Variants in MARCO observed in about 807,000 individuals in gnomAD.
MARCO encodes the protein macrophage receptor MARCO.
A neutral mutation model predicts 70.0 loss-of-function variants in MARCO; 72 were observed. That is an observed-to-expected ratio of 1.03 (90% CI 0.85 to 1.25). The LOEUF (loss-of-function observed/expected upper bound fraction) is 1.25. Among genes scored for constraint, MARCO ranks in the 50% most tolerant of loss-of-function variants. The probability of loss-of-function intolerance (pLI) is 0.00; values close to 1 mark genes in which losing one functional copy is unlikely to be tolerated. For missense variants in MARCO, 696 were observed against 659.3 expected (o/e 1.06, Z -0.61); for synonymous variants, 273 against 243.1 (o/e 1.12, Z -1.14).
chr2:118,981,356 G>A (rs972090488), intron 8 of MARCO, 53 bp from the exon 9 acceptor site: 5 of 1,154,320 alleles, frequency 4.3e-6, no homozygotes, highest in Non-Finnish European at 5.1e-6. Context: ...GGAGGACATG[G>A]TGGCCTGATT....
intron 2 of MARCO, among the ~76,000 whole-genome samples, chr2:118,969,789 C>T (rs749924703): frequency 6.6e-6 from 1 of 151,874 alleles, no homozygotes; most frequent in African/African-American, 2.4e-5. Context: ...TAGGTCAGAC[C>T]AGCATGTTAG....
chr2:118,980,496 G>A (rs12996224), intron 8 of MARCO, among the ~76,000 whole-genome samples: 4,353 of 152,314 alleles, frequency 0.029, 81 homozygotes, highest in Middle Eastern at 0.054. Flanking sequence ...CTGGAGAGAA[G>A]GCTGGTGTCA....
chr2:118,991,861 A>G lies in MARCO; in HGVS notation c.1193A>G (p.Asp398Gly). Residue 398 changes from aspartate to glycine, a missense_variant, in exon 14 of 17, where the codon GAC becomes GGC. Asp to Gly is a moderately conservative substitution (Grantham distance 94). Coordinates refer to ENST00000327097, the MANE Select transcript of MARCO (RefSeq NM_006770.4). ...CCTGGACAAGCTGGCCAGAAGGGAG[A>G]CCAGGGAGTGAAAGGTAAGGCCTCT... is the stretch of plus-strand genomic sequence containing the variant. The part of the protein sequence containing the change: ...GAPGQAGQKG[D>G]QGVKGSSGEQ... 1 of 1,597,290 alleles carries G rather than the reference A, an allele frequency of 6.3e-7. No homozygotes were observed. The highest frequency in any genetic ancestry group is 1.3e-5 in the African/African-American group (1 of 74,910).
At chr2:118,962,342 A>G (rs1679965024) in intron 1 of MARCO, among the ~76,000 whole-genome samples, 1 of 152,142 alleles carries the variant, frequency 6.6e-6, no homozygotes, top group Admixed American at 6.6e-5. Flanking sequence ...GATTCTTCCT[A>G]TTTATGAGTA....
intron 1 of MARCO, among the ~76,000 whole-genome samples, chr2:118,959,593 TA>T (rs1037920599): frequency 1.3e-5 from 2 of 152,192 alleles, no homozygotes. Flanking sequence ...CTTAAAGAAG[TA>T]AAAGTAGAAA....
chr2:118,973,272 T>C (rs2104582928), intron 4 of MARCO, among the ~76,000 whole-genome samples: 2 of 152,018 alleles, frequency 1.3e-5, no homozygotes, highest in South Asian at 4.2e-4. Flanking sequence ...ACTCCAACTA[T>C]CTCTCTCCAT....
chr2:118,986,663 AGGAAGGAAGG>A lies in MARCO; in HGVS notation c.1064-3925_1064-3916del, dbSNP rs1680503881. Among the ~76,000 whole-genome samples, 3 of 56,578 alleles carry A rather than the reference AGGAAGGAAGG, an allele frequency of 5.3e-5. 1 individual carries two copies. The highest frequency in any genetic ancestry group is 3.5e-4 in the African/African-American group (3 of 8,584). The allele number at this position is 56,578 out of a possible 152,430, so 37.1% of individuals were successfully genotyped here. ...AAAGAAAGAAAGAAAGAAGGAAGGA[AGGAAGGAAGG>A]AAAGAAAGAAAGAAAGAAAGAAAGA... On this transcript the variant is annotated intron_variant, in intron 12 of 16. Transcript: ENST00000327097.
intron 3 of MARCO, among the ~76,000 whole-genome samples, chr2:118,970,832 C>T (rs563568634): frequency 1.5e-4 from 23 of 152,320 alleles, no homozygotes; most frequent in Admixed American, 4.6e-4. Flanking sequence ...GGAAGAGCCT[C>T]GCCCTCAGAC....
At chr2:118,952,250 G>C (rs62157375) in intron 1 of MARCO, among the ~76,000 whole-genome samples, 11,780 of 152,064 alleles carry the variant, frequency 0.077, 530 homozygotes, top group South Asian at 0.16. Flanking sequence ...AAACCAGTGG[G>C]TGTCTTGCCT....
chr2:118,945,471 G>A (rs187961664), intron 1 of MARCO, among the ~76,000 whole-genome samples: 1 of 151,058 alleles, frequency 6.6e-6, no homozygotes, highest in East Asian at 2.0e-4. Flanking sequence ...GGAGTGCAGG[G>A]GAGCGATCTC....
Position 118,969,356 on chromosome 2 carries a change from C to A in MARCO, c.199+95C>A, listed in dbSNP as rs114951421. 3.2e-3 allele frequency: 2,809 copies of A among 867,164 alleles called. 41 individuals carry two copies. The African/African-American group carries it at 0.037, about 11-fold the overall frequency. The allele number at this position is 867,164 out of a possible 1,614,324, so 53.7% of individuals were successfully genotyped here. ...GAAGGGCTCAGGTTGAGTGGAGAGC[C>A]TCGGGCCACTGCTCCCATCTGCTGG... is the stretch of plus-strand genomic sequence containing the variant. On this transcript the variant is annotated intron_variant, in intron 2 of 16. Transcript: ENST00000327097.
intron 1 of MARCO, among the ~76,000 whole-genome samples, chr2:118,967,028 C>T (rs1380175710): frequency 6.6e-6 from 1 of 152,254 alleles, no homozygotes; most frequent in Non-Finnish European, 1.5e-5. Context: ...CAGTCATCAT[C>T]TTCCCAGCAT....
At chr2:118,950,912 C>A (rs903152671) in intron 1 of MARCO, among the ~76,000 whole-genome samples, 4 of 151,980 alleles carry the variant, frequency 2.6e-5, no homozygotes, top group African/African-American at 9.7e-5. Context: ...ATACATATGA[C>A]ACTGTTAATA....
rs139356455 is a variant in MARCO, at chr2:118,994,193, AAACAACAAC to A, written c.1430-173_1430-165del. On this transcript the variant is annotated intron_variant, in intron 16 of 16. Coordinates refer to ENST00000327097, the MANE Select transcript of MARCO (RefSeq NM_006770.4). ...TAGAACGGAGGCAAAGTCATTATAA[AAACAACAAC>A]AACAACAACAACAACAACAAAAACA... Among the ~76,000 whole-genome samples, 625 of 151,174 alleles carry A rather than the reference AAACAACAAC, an allele frequency of 4.1e-3. 2 individuals are homozygous for A. Among genetic ancestry groups the A allele is most frequent in the African/African-American group, 0.012 (475 of 41,162 alleles).
At chr2:118,952,366 T>A (rs1679738685) in intron 1 of MARCO, among the ~76,000 whole-genome samples, 1 of 152,228 alleles carries the variant, frequency 6.6e-6, no homozygotes, top group Admixed American at 6.5e-5. Flanking sequence ...CAAGGGAGAA[T>A]TAGGCCCCTT....
At chr2:118,945,293 C>T (rs914296511) in intron 1 of MARCO, among the ~76,000 whole-genome samples, 2 of 152,090 alleles carry the variant, frequency 1.3e-5, no homozygotes, top group Non-Finnish European at 2.9e-5. Flanking sequence ...CTTTAGGCTT[C>T]CTGTCACACT....
In MARCO at chr2:118,942,360, T is replaced by C. The variant is rs958217482; in HGVS notation, c.60T>C (p.Ala20=). The change falls in exon 1 of 17, where the codon GCT becomes GCC. Residue 20 remains alanine, a synonymous_variant. Coordinates refer to ENST00000327097, the MANE Select transcript of MARCO (RefSeq NM_006770.4). ...TCTTGAGTGAGACCCAACAAGCTGC[T>C]TTTCACCAAATTGCAATGGAGCCTT... ...DELLSETQQA[A]FHQIAMEPFE... is the part of the protein sequence containing the mutation. 4 of 1,613,714 alleles carry C rather than the reference T, an allele frequency of 2.5e-6. No homozygotes were observed. The Admixed American group carries it at 5.0e-5, about 20-fold the overall frequency.
At chr2:118,943,095 A>AT (rs950041753) in intron 1 of MARCO, among the ~76,000 whole-genome samples, 1 of 152,150 alleles carries the variant, frequency 6.6e-6, no homozygotes, top group African/African-American at 2.4e-5. Context: ...TTCTCTTGGG[A>AT]TCATCTTCCA....
intron 1 of MARCO, among the ~76,000 whole-genome samples, chr2:118,955,744 C>A (rs1679824399): frequency 6.6e-6 from 1 of 152,198 alleles, no homozygotes. Context: ...ATCAGATTAA[C>A]AGCAGATTTC....
Sources: allele counts gnomAD v4.1 joint callset (sites outside exome capture counted in the v4.1 genomes callset), GRCh38; gene constraint gnomAD v4.1.1; transcripts MANE v1.5; gene names NCBI Gene and HGNC (gene_info 2026-07-23, HGNC 2026-07-21).